Variants in TSPEAR observed in about 807,000 individuals in gnomAD.
TSPEAR encodes the protein thrombospondin-type laminin G domain and EAR repeat-containing protein.
TSPEAR carries 69 observed loss-of-function variants against 71.6 expected under a neutral mutation model. That is an observed-to-expected ratio of 0.96 (90% confidence interval 0.79 to 1.18). The LOEUF (loss-of-function observed/expected upper bound fraction) is 1.18, where lower values mean the gene tolerates loss of function less well. Among genes scored for constraint, TSPEAR ranks in the 50% most tolerant of loss-of-function variants. TSPEAR has a pLI of 0.00. For synonymous variants in TSPEAR, 402 were observed against 387.2 expected (o/e 1.04, Z -0.45); for missense variants, 971 against 894.9 (o/e 1.09, Z -1.09).
In TSPEAR at chr21:44,506,212, T is replaced by C. The variant is rs2052197194; in HGVS notation, c.1755-1331A>G. Among the ~76,000 whole-genome samples the C allele has an allele frequency of 6.6e-6, 1 of 152,222 alleles. No homozygotes were observed. Among genetic ancestry groups the C allele is most frequent in the Non-Finnish European group, 1.5e-5 (1 of 68,030 alleles). ...AATTTACCAAGGATGCATCTGTGCT[T>C]GGGGATGGCTCGGTTTGAGGGGTCT... On this transcript the variant is annotated intron_variant, in intron 10 of 11. Transcript: ENST00000323084. This position sits in a 1 kb window ranked among gnomAD's most constrained non-coding sequence, Gnocchi z 4.2.
Position 44,687,950 on chromosome 21 carries a change from G to A in TSPEAR, c.82+23483C>T, listed in dbSNP as rs868946783. On this transcript the variant is annotated intron_variant, in intron 1 of 11. Transcript: ENST00000323084. This position sits in a 1 kb window ranked among gnomAD's most constrained non-coding sequence, Gnocchi z 4.4. ...TGATGCACTGACAGAGGCCGGCTCG[G>A]GGGTGAGTATCCGATCAAGCACAGT... is the stretch of plus-strand genomic sequence containing the variant. Among the ~76,000 whole-genome samples the A allele has an allele frequency of 6.6e-6, 1 of 152,222 alleles. No homozygotes were observed. Among genetic ancestry groups the A allele is most frequent in the Admixed American group, 6.5e-5 (1 of 15,288 alleles).
chr21:44,624,760 C>T (rs900109418), intron 1 of TSPEAR, among the ~76,000 whole-genome samples: 1 of 152,156 alleles, frequency 6.6e-6, no homozygotes, highest in African/African-American at 2.4e-5. Flanking sequence ...TATGAGACTA[C>T]TAAAAGCTGT....
Position 44,623,804 on chromosome 21 carries a change from A to C in TSPEAR, c.83-55799T>G, listed in dbSNP as rs587656696. On this transcript the variant is annotated intron_variant, in intron 1 of 11. Coordinates refer to ENST00000323084, the MANE Select transcript of TSPEAR (RefSeq NM_144991.3). The surrounding 1 kb of genome is among the most constrained non-coding windows in gnomAD (Gnocchi z 4.5). ...GTAAATGCTATTGTTGCTTCTTTAAAGGTAATATTTCTTTTTTTTTCCCTT... is the reference window on the plus strand; with the variant it reads ...GTAAATGCTATTGTTGCTTCTTTAACGGTAATATTTCTTTTTTTTTCCCTT... Among the ~76,000 whole-genome samples the C allele has an allele frequency of 2.0e-5, 3 of 152,258 alleles. No homozygotes were observed. The highest frequency in any genetic ancestry group is 7.2e-5 in the African/African-American group (3 of 41,548).
Position 44,636,724 on chromosome 21 carries a change from C to T in TSPEAR, c.83-68719G>A, listed in dbSNP as rs587731380. Among the ~76,000 whole-genome samples the T allele has an allele frequency of 9.2e-5, 14 of 152,278 alleles. 1 individual carries two copies. The highest frequency in any genetic ancestry group is 7.2e-5 in the African/African-American group (3 of 41,538). On this transcript the variant is annotated intron_variant, in intron 1 of 11. Coordinates refer to ENST00000323084, the MANE Select transcript of TSPEAR (RefSeq NM_144991.3). ...CCACCCTCAGACCCTGACCTGCACCCGCCCCTCTCAGGACACCTGACCAGG... is the reference window on the plus strand; with the variant it reads ...CCACCCTCAGACCCTGACCTGCACCTGCCCCTCTCAGGACACCTGACCAGG...
intron 11 of TSPEAR, among the ~76,000 whole-genome samples, chr21:44,500,365 C>T (rs1229635989): frequency 6.6e-6 from 1 of 152,218 alleles, no homozygotes; most frequent in Non-Finnish European, 1.5e-5. Flanking sequence ...TGCTCTGCGG[C>T]CCCACGTCAG....
At chr21:44,625,811 GCTTCTGCCT>G (rs58849483) in intron 1 of TSPEAR, among the ~76,000 whole-genome samples, 91,731 of 151,340 alleles carry the variant, frequency 0.61, 28,666 homozygotes, top group Admixed American at 0.68. Flanking sequence ...TCTACCAGCT[GCTTCTGCCT>G]CTTCAGTGAG....
intron 1 of TSPEAR, among the ~76,000 whole-genome samples, chr21:44,626,432 T>TGGCGA (rs1280562744): frequency 6.6e-6 from 1 of 152,156 alleles, no homozygotes; most frequent in Non-Finnish European, 1.5e-5. Flanking sequence ...GCTCCAGCAG[T>TGGCGA]GGCGAGGGCT....
Position 44,557,848 on chromosome 21 carries a change from C to G in TSPEAR, c.303+9937G>C, listed in dbSNP as rs2053558863. ...CTGATCACTCACATGGGGCAGGACA[C>G]AGTGACCACCGGCTGGCCAGCATGG... On this transcript the variant is annotated intron_variant, in intron 2 of 11. Transcript: ENST00000323084. 4.6e-6 allele frequency: 3 copies of G among 653,258 alleles called. No homozygotes were observed. The South Asian group carries it at 5.9e-5, about 13-fold the overall frequency. The allele number at this position is 653,258 out of a possible 1,614,324, so 40.5% of individuals were successfully genotyped here.
intron 1 of TSPEAR, among the ~76,000 whole-genome samples, chr21:44,699,490 T>C (rs1292168236): frequency 6.6e-6 from 1 of 151,298 alleles, no homozygotes; most frequent in African/African-American, 2.4e-5. Context: ...CCAGAGGAAG[T>C]GGGTCCTGGT....
rs1000513225 is a variant in TSPEAR at position 44,534,115 on chromosome 21, T to G, written c.304-192A>C. On this transcript the variant is annotated intron_variant, in intron 2 of 11. Coordinates refer to ENST00000323084, the MANE Select transcript of TSPEAR (RefSeq NM_144991.3). ...AGGGGCCTTCTAATTAGCCCTCTAA[T>G]GGGGAGGGATGGGGTTGATGGAGCG... is the stretch of plus-strand genomic sequence containing the variant. Among the ~76,000 whole-genome samples, 5 of 97,548 alleles carry G rather than the reference T, an allele frequency of 5.1e-5. No individual in the cohort carries two copies. In the East Asian group the frequency reaches 1.5e-3, roughly 30 times the overall value. The allele number at this position is 97,548 out of a possible 152,430, so 64.0% of individuals were successfully genotyped here.
In TSPEAR at chr21:44,528,547, G is replaced by T; in HGVS notation, c.827C>A (p.Pro276Gln). 1 of 1,614,122 alleles carries T rather than the reference G, an allele frequency of 6.2e-7. No homozygotes were observed. The highest frequency in any genetic ancestry group is 1.3e-5 in the African/African-American group (1 of 75,056). The change falls in exon 6 of 12, where the codon CCG becomes CAG. Residue 276 changes from proline to glutamine, a missense_variant. Coordinates refer to ENST00000323084, the MANE Select transcript of TSPEAR (RefSeq NM_144991.3). ...NIRVTLGPQPPCTEVEDAQFW... is the reference protein window; with the variant it reads ...NIRVTLGPQPQCTEVEDAQFW... ...CTGGGCGTCTTCCACCTCGGTACAC[G>T]GTGGCTGGGGTCCCAGCGTCACTCG...
rs200818127 is a variant in TSPEAR, at chr21:44,627,294, C to G, written c.83-59289G>C. 1.0e-3 allele frequency: 1,690 copies of G among 1,612,644 alleles called. 3 individuals carry two copies. The highest frequency in any genetic ancestry group is 2.2e-3 in the Middle Eastern group (11 of 4,998). On this transcript the variant is annotated intron_variant, in intron 1 of 11. Coordinates refer to ENST00000323084, the MANE Select transcript of TSPEAR (RefSeq NM_144991.3). ...CCACCAGCTGCTGCGCCCCGGCCCC[C>G]TGCCTGACCCTGGTCTGCACCCCAG... is the stretch of plus-strand genomic sequence containing the variant.
intron 2 of TSPEAR, among the ~76,000 whole-genome samples, chr21:44,548,943 G>A (rs1236014305): frequency 2.0e-5 from 3 of 152,250 alleles, no homozygotes; most frequent in African/African-American, 7.2e-5. Context: ...ACTCAGAGTC[G>A]TAAGGAAAAC....
chr21:44,546,750 T>C lies in TSPEAR; in HGVS notation c.304-12827A>G, dbSNP rs1426421491. Among the ~76,000 whole-genome samples, 2 of 152,198 alleles carry C rather than the reference T, an allele frequency of 1.3e-5. No individual in the cohort carries two copies. The highest frequency in any genetic ancestry group is 2.4e-5 in the African/African-American group (1 of 41,446). On this transcript the variant is annotated intron_variant, in intron 2 of 11. Coordinates refer to ENST00000323084, the MANE Select transcript of TSPEAR (RefSeq NM_144991.3). This position sits in a 1 kb window ranked among gnomAD's most constrained non-coding sequence, Gnocchi z 4.4. ...GTCATCCCAATGCCTCTGGCCTCCA[T>C]GGTTTCTGATGAGAAATTCGCTGTT... is the stretch of plus-strand genomic sequence containing the variant.
chr21:44,646,006 T>C (rs1278736182), intron 1 of TSPEAR, among the ~76,000 whole-genome samples: 2 of 150,676 alleles, frequency 1.3e-5, no homozygotes, highest in African/African-American at 4.9e-5. Context: ...GTGCCTGTAA[T>C]CCCAGCTACT....
At chr21:44,688,814 C>A (rs1555949293) in intron 1 of TSPEAR, among the ~76,000 whole-genome samples, 1 of 152,182 alleles carries the variant, frequency 6.6e-6, no homozygotes, top group East Asian at 1.9e-4. Context: ...TGCTTCCCAG[C>A]AAGCCCAGCG....
intron 9 of TSPEAR, among the ~76,000 whole-genome samples, chr21:44,511,552 G>A (rs1218863236): frequency 6.6e-6 from 1 of 152,140 alleles, no homozygotes; most frequent in African/African-American, 2.4e-5. Flanking sequence ...ACACATGCCT[G>A]TACACAGGCA....
At chr21:44,562,788 G>A (rs2053656200) in intron 2 of TSPEAR, among the ~76,000 whole-genome samples, 1 of 152,110 alleles carries the variant, frequency 6.6e-6, no homozygotes. Flanking sequence ...CAGAAATGAA[G>A]GCAAAATAAA....
At chr21:44,651,001 C>T (rs1555941316) in intron 1 of TSPEAR, among the ~76,000 whole-genome samples, 1 of 152,204 alleles carries the variant, frequency 6.6e-6, no homozygotes, top group East Asian at 1.9e-4. Context: ...GGCGCCCCAC[C>T]AGGGAGGGGG....
Sources: gnomAD v4.1 joint callset for allele counts (sites outside exome capture counted in the v4.1 genomes callset) on GRCh38, gnomAD v4.1.1 for gene constraint, Gnocchi (gnomAD v3.1) non-coding constraint, MANE v1.5 for transcripts, NCBI Gene and HGNC (gene_info 2026-07-23, HGNC 2026-07-21) for gene names.